Variants in CERS4 observed in about 807,000 individuals in gnomAD.
The protein encoded by CERS4 is ceramide synthase 4.
CERS4 carries 65 observed loss-of-function variants against 51.8 expected under a neutral mutation model. The observed-to-expected ratio is 1.26, with a 90% CI of 1.03 to 1.54. The LOEUF (loss-of-function observed/expected upper bound fraction) is 1.54, where lower values mean the gene tolerates loss of function less well. Ranked by LOEUF, CERS4 falls within the 40% of genes most tolerant of loss-of-function variation. The pLI, the probability that CERS4 is intolerant of heterozygous loss-of-function variation, is 0.00. For synonymous variants in CERS4, 228 were observed against 208.4 expected, an observed-to-expected ratio of 1.09 and a Z score of -0.81; for missense variants, 563 against 500.4, an observed-to-expected ratio of 1.13 and a Z score of -1.19.
rs1229988311 is a variant in CERS4, at chr19:8,255,743, C to T, written c.410+18C>T. On this transcript the variant is annotated intron_variant, in intron 5 of 11. Transcript: ENST00000251363. ...GAGGCCAGGTAAGCCCAGGATGGGGCTTCTGGGGTGCAGGGAAGCGGGCCG... is the reference window on the plus strand; with the variant it reads ...GAGGCCAGGTAAGCCCAGGATGGGGTTTCTGGGGTGCAGGGAAGCGGGCCG... The T allele has an allele frequency of 2.1e-6, 3 of 1,406,580 alleles. No homozygotes were observed. The highest frequency in any genetic ancestry group is 2.9e-6 in the Non-Finnish European group (3 of 1,030,612). The allele number at this position is 1,406,580 out of a possible 1,614,324, so 87.1% of individuals were successfully genotyped here.
intron 2 of CERS4, among the ~76,000 whole-genome samples, chr19:8,234,660 TCTC>T (rs1387082642): frequency 6.7e-6 from 1 of 148,644 alleles, no homozygotes; most frequent in African/African-American, 2.5e-5. Context: ...TTCAAGCAAT[TCTC>T]CTGCCTTAGC....
intron 10 of CERS4, among the ~76,000 whole-genome samples, chr19:8,260,263 C>CA (rs933055345): frequency 5.6e-4 from 85 of 151,492 alleles, no homozygotes; most frequent in African/African-American, 2.0e-3. Context: ...GGCGTGATCT[C>CA]AGCCCACCAC....
chr19:8,221,648 C>T (rs1967547822), intron 2 of CERS4, among the ~76,000 whole-genome samples: 2 of 149,732 alleles, frequency 1.3e-5, no homozygotes, highest in African/African-American at 4.9e-5. Context: ...CAGGTTCAAG[C>T]GATTCTCCTG....
chr19:8,254,685 C>G, intron 4 of CERS4, 69 bp downstream of exon 4: 1 of 1,414,986 alleles, frequency 7.1e-7, no homozygotes, highest in South Asian at 1.2e-5. Context: ...TGGTGTGTGG[C>G]CCATTTGTTG....
intron 2 of CERS4, 176 bp from the exon 3 acceptor site, chr19:8,250,900 A>G: frequency 7.0e-7 from 1 of 1,436,988 alleles, no homozygotes; most frequent in Non-Finnish European, 9.1e-7. Context: ...CTGGGACCAG[A>G]GGACAGTTCC....
intron 10 of CERS4, among the ~76,000 whole-genome samples, chr19:8,259,675 CAGG>C (rs1309577108): frequency 6.6e-6 from 1 of 152,062 alleles, no homozygotes; most frequent in African/African-American, 2.4e-5. Flanking sequence ...CTCGAGGCAG[CAGG>C]AGCTCAGCCC....
rs745378071 is a variant in CERS4, at chr19:8,261,673, T to TC, written c.849-10dup. 4 of 1,613,398 alleles carry TC rather than the reference T, an allele frequency of 2.5e-6. No homozygotes were observed. The highest frequency in any genetic ancestry group is 3.4e-6 in the Non-Finnish European group (4 of 1,179,700). On this transcript the variant is annotated splice_polypyrimidine_tract_variant and intron_variant, in intron 10 of 11. Transcript: ENST00000251363. ...CTGGTCAAACCCCAGCCTCCTCCTCTCCCCCTGGCTGTAGGATCCTCTACA... is the reference window on the plus strand; with the variant it reads ...CTGGTCAAACCCCAGCCTCCTCCTCTCCCCCCTGGCTGTAGGATCCTCTACA...
intron 2 of CERS4, among the ~76,000 whole-genome samples, chr19:8,219,801 A>G (rs1247056467): frequency 6.6e-6 from 1 of 151,986 alleles, no homozygotes; most frequent in Non-Finnish European, 1.5e-5. Flanking sequence ...CCTGGGCAAC[A>G]AGAGCGAAAC....
chr19:8,250,043 C>T (rs939595069), intron 2 of CERS4, among the ~76,000 whole-genome samples: 1 of 151,984 alleles, frequency 6.6e-6, no homozygotes, highest in Non-Finnish European at 1.5e-5. Flanking sequence ...GGCATGATCT[C>T]GGCTCACTGC....
chr19:8,239,126 G>T (rs567239894), intron 2 of CERS4, among the ~76,000 whole-genome samples: 1 of 151,838 alleles, frequency 6.6e-6, no homozygotes, highest in East Asian at 1.9e-4. Flanking sequence ...TTGTGGCCAG[G>T]TGTGGTGGCT....
intron 2 of CERS4, among the ~76,000 whole-genome samples, chr19:8,214,996 A>AGGAGGGGGAGGAGG (rs1967239133): frequency 2.3e-5 from 1 of 43,758 alleles, no homozygotes; most frequent in African/African-American, 8.7e-5. Flanking sequence ...GGGGGAGGAG[A>AGGAGGGGGAGGAGG]GGGAGGAGGA....
At chr19:8,235,968 G>A (rs1384486482) in intron 2 of CERS4, among the ~76,000 whole-genome samples, 1 of 151,830 alleles carries the variant, frequency 6.6e-6, no homozygotes, top group African/African-American at 2.4e-5. Flanking sequence ...AGCCGAGGCG[G>A]GCAGATCACG....
chr19:8,253,470 TTG>T lies in CERS4; in HGVS notation c.174-1028_174-1027del, dbSNP rs1491497446. Among the ~76,000 whole-genome samples, 71 of 148,272 alleles carry T rather than the reference TTG, an allele frequency of 4.8e-4. 1 individual carries two copies. Among genetic ancestry groups the T allele is most frequent in the African/African-American group, 1.5e-3 (59 of 40,308 alleles). On this transcript the variant is annotated intron_variant, in intron 3 of 11. Coordinates refer to ENST00000251363, the MANE Select transcript of CERS4 (RefSeq NM_024552.3). ...CTGCCTTTTTTTTTTTTTTTTTTTT[TTG>T]GGGAGACAGAGTCTTGTTGCTCTGT...
At chr19:8,215,952 C>T (rs190632063) in intron 2 of CERS4, among the ~76,000 whole-genome samples, 17 of 152,266 alleles carry the variant, frequency 1.1e-4, no homozygotes, top group South Asian at 2.1e-4. Context: ...CTCTGTGCCT[C>T]GAGTCCAGGA....
chr19:8,226,201 T>TA (rs1314247669), intron 2 of CERS4, among the ~76,000 whole-genome samples: 20 of 151,146 alleles, frequency 1.3e-4, no homozygotes, highest in African/African-American at 2.2e-4. Context: ...GACTCTGTCT[T>TA]AAAAAAAAAG....
intron 2 of CERS4, among the ~76,000 whole-genome samples, chr19:8,234,995 T>TTTTC (rs1213336241): frequency 8.5e-5 from 12 of 141,330 alleles, no homozygotes; most frequent in Admixed American, 6.0e-4. Context: ...ATCTTTCTCT[T>TTTTC]TTTCTTTCTT....
At chr19:8,236,040 A>G (rs1176511363) in intron 2 of CERS4, among the ~76,000 whole-genome samples, 2 of 152,014 alleles carry the variant, frequency 1.3e-5, no homozygotes, top group Non-Finnish European at 2.9e-5. Context: ...CCAAAAATAC[A>G]AAAAAATTAG....
chr19:8,220,557 G>C (rs780025410), intron 2 of CERS4, among the ~76,000 whole-genome samples: 1 of 152,092 alleles, frequency 6.6e-6, no homozygotes, highest in African/African-American at 2.4e-5. Flanking sequence ...TGCCCGCCTC[G>C]GCCTCCCAAA....
In CERS4 at chr19:8,237,535, T is replaced by C. The variant is rs142561739; in HGVS notation, c.-1-13541T>C. On this transcript the variant is annotated intron_variant, in intron 2 of 11. Transcript: ENST00000251363. The stretch of plus-strand genomic sequence containing the variant: ...ATTCCACTGCACTCCAGCCTGGGCA[T>C]AGAGACTGCATCTCAAAAAAACAGA... 3.2e-3 allele frequency among the ~76,000 whole-genome samples: 479 copies of C among 149,426 alleles called. 3 individuals are homozygous for C. Among genetic ancestry groups the C allele is most frequent in the African/African-American group, 0.011 (450 of 40,480 alleles).
Sources: allele counts gnomAD v4.1 joint callset (sites outside exome capture counted in the v4.1 genomes callset), GRCh38; gene constraint gnomAD v4.1.1; transcripts MANE v1.5; gene names NCBI Gene and HGNC (gene_info 2026-07-23, HGNC 2026-07-21).